PTPRD: variants seen among roughly 807,000 people sequenced by gnomAD.
The protein encoded by PTPRD is receptor-type tyrosine-protein phosphatase delta.
In PTPRD, 34 loss-of-function variants were observed where a neutral mutation model predicts 214.5. That is an observed-to-expected ratio of 0.16 (90% CI 0.12 to 0.21). The LOEUF is 0.21. PTPRD is among the 10% of genes least tolerant of loss of function. The pLI, the probability that PTPRD is intolerant of heterozygous loss-of-function variation, is 1.00. For synonymous variants in PTPRD, 1,128 were observed against 845.7 expected, an observed-to-expected ratio of 1.33 and a Z score of -5.79; for missense variants, 2,545 against 2,398.7, an observed-to-expected ratio of 1.06 and a Z score of -1.27.
intron 5 of PTPRD, among the ~76,000 whole-genome samples, chr9:9,815,580 T>C (rs946778859): frequency 6.6e-6 from 1 of 152,094 alleles, no homozygotes. Flanking sequence ...AAAGAAATCC[T>C]ACAGACTGGG....
chr9:9,646,342 T>G (rs866867308), intron 7 of PTPRD, among the ~76,000 whole-genome samples: 18 of 146,404 alleles, frequency 1.2e-4, no homozygotes, highest in African/African-American at 4.0e-4. Flanking sequence ...TGTGTGTGTG[T>G]GGGTGTGTGT....
intron 19 of PTPRD, among the ~76,000 whole-genome samples, chr9:8,521,774 T>A (rs2097896216): frequency 6.6e-6 from 1 of 152,116 alleles, no homozygotes. Flanking sequence ...GACACACTAA[T>A]ACAAAAGTTG....
At chr9:9,251,422 C>G (rs1246702707) in intron 9 of PTPRD, among the ~76,000 whole-genome samples, 1 of 152,106 alleles carries the variant, frequency 6.6e-6, no homozygotes, top group African/African-American at 2.4e-5. Flanking sequence ...TTTTAAAGCT[C>G]TATGCCTTTG....
intron 4 of PTPRD, among the ~76,000 whole-genome samples, chr9:10,011,714 A>C (rs938674454): frequency 2.3e-4 from 35 of 152,142 alleles, no homozygotes; most frequent in African/African-American, 6.5e-4. Context: ...TGAAATAGTA[A>C]TTTATGATTA....
intron 32 of PTPRD, among the ~76,000 whole-genome samples, chr9:8,463,335 G>C (rs12352163): frequency 0.023 from 2,040 of 87,658 alleles, 47 homozygotes; most frequent in African/African-American, 0.083. Flanking sequence ...AAAAAAAAAA[G>C]ATGTGTATGG....
chr9:9,135,349 A>G (rs2099849226), intron 10 of PTPRD, among the ~76,000 whole-genome samples: 1 of 152,176 alleles, frequency 6.6e-6, no homozygotes, highest in African/African-American at 2.4e-5. Flanking sequence ...GTTCAGAGAA[A>G]CATTTAACCT....
intron 11 of PTPRD, among the ~76,000 whole-genome samples, chr9:8,903,305 T>A (rs889805179): frequency 4.6e-5 from 7 of 152,162 alleles, no homozygotes; most frequent in Non-Finnish European, 1.0e-4. Flanking sequence ...CCTAGCCACA[T>A]GCTATTACAC....
intron 9 of PTPRD, among the ~76,000 whole-genome samples, chr9:9,211,373 G>A (rs2099948496): frequency 6.6e-6 from 1 of 152,064 alleles, no homozygotes; most frequent in Non-Finnish European, 1.5e-5. Flanking sequence ...TTTCTCATTA[G>A]GAATATAGGA....
intron 12 of PTPRD, among the ~76,000 whole-genome samples, chr9:8,691,086 G>C (rs963173726): frequency 6.6e-6 from 1 of 152,088 alleles, no homozygotes; most frequent in Non-Finnish European, 1.5e-5. Context: ...AGAATGAGAA[G>C]AAAGGAGTTC....
At chr9:9,958,005 A>T (rs1566723860) in intron 4 of PTPRD, among the ~76,000 whole-genome samples, 2 of 150,934 alleles carry the variant, frequency 1.3e-5, no homozygotes. Context: ...TCTTGGAATG[A>T]CTGGAAGTTC....
chr9:8,462,089 T>G (rs367593884), intron 32 of PTPRD, among the ~76,000 whole-genome samples: 1 of 152,074 alleles, frequency 6.6e-6, no homozygotes, highest in African/African-American at 2.4e-5. Flanking sequence ...AGATACTCTA[T>G]GAAATCCCAG....
chr9:9,774,689 T>C (rs1209452686), intron 5 of PTPRD, among the ~76,000 whole-genome samples: 2 of 152,232 alleles, frequency 1.3e-5, no homozygotes, highest in Non-Finnish European at 2.9e-5. Flanking sequence ...AAATGTGATG[T>C]AGGCATTCAT....
At chr9:9,384,659 C>G (rs1482088974) in intron 9 of PTPRD, among the ~76,000 whole-genome samples, 4 of 151,816 alleles carry the variant, frequency 2.6e-5, no homozygotes, top group Admixed American at 2.0e-4. Context: ...GTTAATGTTT[C>G]TTGTAACTTG....
At chr9:9,624,449 A>ATT (rs527923351) in intron 7 of PTPRD, among the ~76,000 whole-genome samples, 8 of 148,546 alleles carry the variant, frequency 5.4e-5, no homozygotes, top group African/African-American at 2.0e-4. Context: ...TGTCTGGCTA[A>ATT]TTTTTTTTTT....
intron 9 of PTPRD, among the ~76,000 whole-genome samples, chr9:9,288,280 A>G (rs916734275): frequency 6.6e-5 from 10 of 151,890 alleles, no homozygotes; most frequent in Non-Finnish European, 1.3e-4. Flanking sequence ...ATATTATGCT[A>G]TTTTATCCAT....
intron 10 of PTPRD, among the ~76,000 whole-genome samples, chr9:9,133,214 G>T (rs1265174205): frequency 6.6e-6 from 1 of 152,158 alleles, no homozygotes; most frequent in Non-Finnish European, 1.5e-5. Flanking sequence ...GAATTACACA[G>T]AGGTAGGGCA....
At chr9:8,627,787 C>T (rs1276256615) in intron 14 of PTPRD, among the ~76,000 whole-genome samples, 1 of 151,784 alleles carries the variant, frequency 6.6e-6, no homozygotes, top group Non-Finnish European at 1.5e-5. Context: ...ATAGACTATC[C>T]ACATGGGCTT....
intron 7 of PTPRD, among the ~76,000 whole-genome samples, chr9:9,609,693 C>A (rs990779482): frequency 2.0e-5 from 3 of 152,156 alleles, no homozygotes; most frequent in Admixed American, 2.0e-4. Flanking sequence ...GATCTCCCAA[C>A]CTTAAGTGAT....
chr9:9,625,374 G>A (rs998677564), intron 7 of PTPRD, among the ~76,000 whole-genome samples: 1 of 152,108 alleles, frequency 6.6e-6, no homozygotes, highest in African/African-American at 2.4e-5. Flanking sequence ...CTTATAACCT[G>A]GCGCATGCTG....
Sources: gnomAD v4.1 joint callset for allele counts (sites outside exome capture counted in the v4.1 genomes callset) on GRCh38, gnomAD v4.1.1 for gene constraint, MANE v1.5 for transcripts, NCBI Gene and HGNC (gene_info 2026-07-23, HGNC 2026-07-21) for gene names.